The following CPT1C variants were observed in gnomAD, a reference collection of about 807,000 sequenced individuals.
CPT1C encodes the protein carnitine palmitoyltransferase 1C, also known as palmitoyl thioesterase CPT1C.
Under a neutral mutation model 97.3 loss-of-function variants are expected in CPT1C, and 61 were observed. The ratio of observed to expected loss-of-function variants is 0.63; its 90% CI spans 0.51 to 0.78. The LOEUF (loss-of-function observed/expected upper bound fraction) is 0.78. CPT1C is among the 30% of genes least tolerant of loss of function. The probability of loss-of-function intolerance (pLI) is 0.00; values close to 1 mark genes in which losing one functional copy is unlikely to be tolerated. For missense variants in CPT1C, 975 were observed against 1,065.5 expected (o/e 0.92, Z 1.18); for synonymous variants, 469 against 447.2 (o/e 1.05, Z -0.61).
At position 49,692,339 on chromosome 19, in the gene CPT1C, G is replaced by A. The variant is rs758232621; in HGVS notation, c.87G>A (p.Gln29=). The A allele has an allele frequency of 1.9e-6, 3 of 1,614,100 alleles. No individual in the cohort carries two copies. The highest frequency in any genetic ancestry group is 2.5e-6 in the Non-Finnish European group (3 of 1,180,004). ...AEVELSAPVL[Q]EIYLSGLRSW... ...TGGAACTCAGTGCCCCTGTGCTGCAGGAGATCTACCTCTCTGGCCTGCGCT... is the reference window on the plus strand; with the variant it reads ...TGGAACTCAGTGCCCCTGTGCTGCAAGAGATCTACCTCTCTGGCCTGCGCT... The change falls in exon 3 of 20, where the codon CAG becomes CAA. Residue 29 remains glutamine (Q), a synonymous_variant. Transcript: ENST00000598293.
At chr19:49,712,434 G>A (rs2083953280) in intron 17 of CPT1C, 1 of 421,678 alleles carries the variant, frequency 2.4e-6, no homozygotes, top group Non-Finnish European at 4.3e-6. Context: ...AAGGCGGAGA[G>A]GCAACGGGAC....
At chr19:49,696,451 CTTTTCT>C (rs771271438) in intron 3 of CPT1C, 11,248 of 134,440 alleles carry the variant, frequency 0.084, 430 homozygotes, top group African/African-American at 0.14. Flanking sequence ...TTTTTCTTTT[CTTTTCT>C]TTTTTTTTTT....
chr19:49,713,537 C>T lies in CPT1C; in HGVS notation c.2344C>T (p.His782Tyr). The change falls in exon 20 of 20, where the codon CAC becomes TAC. Residue 782 changes from histidine (H) to tyrosine (Y), a missense_variant. His to Tyr is a moderately conservative substitution (Grantham distance 83). Coordinates refer to ENST00000598293, the MANE Select transcript of CPT1C (RefSeq NM_001199753.2). ...AGGGTCAGGGAAGGAGAACTCCAGG[C>T]ACAGGTGTGGATTTCTCTCCCGCCA... ...FRGSGKENSR[H>Y]RCGFLSRQTG... 2.5e-6 allele frequency: 4 copies of T among 1,614,204 alleles called. No individual in the cohort carries two copies. Among genetic ancestry groups the T allele is most frequent in the Non-Finnish European group, 3.4e-6 (4 of 1,180,036 alleles).
chr19:49,711,782 G>C, intron 16 of CPT1C, 27 bp from the exon 17 acceptor site: 1 of 1,587,696 alleles, frequency 6.3e-7, no homozygotes, highest in African/African-American at 1.3e-5. Flanking sequence ...GTCTTTCCAT[G>C]ACCTGTGACC....
At position 49,713,073 on chromosome 19, in the gene CPT1C, A is replaced by C. The variant is rs2084015121; in HGVS notation, c.2226+9A>C. 6.2e-7 allele frequency: 1 copy of C among 1,606,682 alleles called. No individual in the cohort carries two copies. On this transcript the variant is annotated intron_variant, in intron 19 of 19. Coordinates refer to ENST00000598293, the MANE Select transcript of CPT1C (RefSeq NM_001199753.2). The stretch of plus-strand genomic sequence containing the variant: ...AATCAAGCACAAAAACGGTGAGACA[A>C]ACGTGTATACCCACCAACTCCCTCT...
intron 10 of CPT1C, 47 bp downstream of exon 10, chr19:49,705,345 G>A: frequency 6.8e-7 from 1 of 1,464,408 alleles, no homozygotes; most frequent in Non-Finnish European, 9.3e-7. Context: ...ACAATATAGT[G>A]GCTAAGAGCA....
chr19:49,692,306 G>C lies in CPT1C; in HGVS notation c.54G>C (p.Gly18=). The part of the protein sequence containing the change: ...VGFRPSLTSD[G]AEVELSAPVL... ...TCCGACCCTCGCTGACCTCGGACGG[G>C]GCTGAAGTGGAACTCAGTGCCCCTG... The change falls in exon 3 of 20, where the codon GGG becomes GGC. Residue 18 remains glycine (G), a synonymous_variant. Coordinates refer to ENST00000598293, the MANE Select transcript of CPT1C (RefSeq NM_001199753.2). 1 of 1,614,120 alleles carries C rather than the reference G, an allele frequency of 6.2e-7. No homozygotes were observed. The highest frequency in any genetic ancestry group is 1.3e-5 in the African/African-American group (1 of 75,028).
intron 4 of CPT1C, among the ~76,000 whole-genome samples, chr19:49,698,176 G>T (rs1421572839): frequency 6.6e-6 from 1 of 151,260 alleles, no homozygotes; most frequent in African/African-American, 2.4e-5. Flanking sequence ...ACCAACCTAA[G>T]CAACATGGTG....
At chr19:49,710,995 C>CT in intron 16 of CPT1C, 138 bp downstream of exon 16, 1 of 818,394 alleles carries the variant, frequency 1.2e-6, no homozygotes, top group Non-Finnish European at 1.9e-6. Flanking sequence ...TGGCCTCTGA[C>CT]TTCAAAGAGC....
chr19:49,701,211 G>A, intron 5 of CPT1C, 106 bp from the exon 6 acceptor site: 1 of 889,498 alleles, frequency 1.1e-6, no homozygotes. Flanking sequence ...ATGCTCTTAA[G>A]TCTCTGTGTC....
chr19:49,705,726 C>T (rs2083460525), intron 10 of CPT1C, among the ~76,000 whole-genome samples, 183 bp from the exon 11 acceptor site: 1 of 152,148 alleles, frequency 6.6e-6, no homozygotes, highest in South Asian at 2.1e-4. Flanking sequence ...CACCACTGCA[C>T]TCCAGCCTGG....
chr19:49,704,847 C>A, intron 8 of CPT1C, 60 bp downstream of exon 8: 3 of 1,499,444 alleles, frequency 2.0e-6, no homozygotes, highest in Non-Finnish European at 2.8e-6. Context: ...GGTACCTGGG[C>A]GGAATGTGAC....
In CPT1C at chr19:49,712,827, C is replaced by T; in HGVS notation, c.2111C>T (p.Ser704Phe). The T allele has an allele frequency of 6.2e-7, 1 of 1,608,610 alleles. No homozygotes were observed. Among genetic ancestry groups the T allele is most frequent in the East Asian group, 2.2e-5 (1 of 44,552 alleles). ...GTCCACAATTACCCGGACTATGTTT[C>T]CTCAGGCGGTGGATTCGGGCCTGTG... The part of the protein sequence containing the change: ...FDVHNYPDYV[S>F]SGGGFGPADD... The change falls in exon 18 of 20, where the codon TCC becomes TTC. Residue 704 changes from serine (S) to phenylalanine (F), a missense_variant. Transcript: ENST00000598293.
chr19:49,705,827 C>A, intron 10 of CPT1C, 82 bp from the exon 11 acceptor site: 3 of 1,288,122 alleles, frequency 2.3e-6, no homozygotes, highest in Non-Finnish European at 3.3e-6. Flanking sequence ...ACTGACGACA[C>A]CTAAGAAGTA....
At chr19:49,712,153 G>T (rs1333011740) in intron 17 of CPT1C, 192 bp downstream of exon 17, 2 of 636,558 alleles carry the variant, frequency 3.1e-6, no homozygotes, top group Non-Finnish European at 5.2e-6. Flanking sequence ...GACCAGCCTG[G>T]CCAACTTGGC....
intron 2 of CPT1C, 123 bp from the exon 3 acceptor site, chr19:49,692,116 G>C (rs1000953332): frequency 3.0e-6 from 3 of 984,482 alleles, no homozygotes; most frequent in Non-Finnish European, 4.4e-6. Context: ...TCCTGGATCT[G>C]AGAGAGGAGG....
At chr19:49,708,587 T>C in intron 13 of CPT1C, 136 bp from the exon 14 acceptor site, 1 of 740,656 alleles carries the variant, frequency 1.4e-6, no homozygotes, top group South Asian at 1.4e-5. Flanking sequence ...TGAGACCGCA[T>C]CTGTGAATAT....
chr19:49,708,339 CAAAA>C (rs888257344), intron 13 of CPT1C, among the ~76,000 whole-genome samples: 1 of 150,402 alleles, frequency 6.6e-6, no homozygotes, highest in Non-Finnish European at 1.5e-5. Flanking sequence ...TAAAAAAAAA[CAAAA>C]AAAACAAAAC....
chr19:49,704,087 T>C (rs987838208), intron 7 of CPT1C, among the ~76,000 whole-genome samples: 2 of 152,262 alleles, frequency 1.3e-5, no homozygotes, highest in Non-Finnish European at 2.9e-5. Flanking sequence ...ATCATGGTAT[T>C]GGCAAGGCCA....
Sources: allele counts gnomAD v4.1 joint callset (sites outside exome capture counted in the v4.1 genomes callset), GRCh38; gene constraint gnomAD v4.1.1; transcripts MANE v1.5; gene names NCBI Gene and HGNC (gene_info 2026-07-23, HGNC 2026-07-21).